GLB1: variants seen among roughly 807,000 people sequenced by gnomAD.
GLB1 encodes galactosidase beta 1, also known as beta-galactosidase.
GLB1 carries 56 observed loss-of-function variants against 74.0 expected under a neutral mutation model. The observed-to-expected ratio is 0.76, with a 90% CI of 0.61 to 0.94. The LOEUF is 0.94. GLB1 is among the 40% of genes least tolerant of loss of function. The probability of loss-of-function intolerance (pLI) is 0.00; values close to 1 mark genes in which losing one functional copy is unlikely to be tolerated. For synonymous variants in GLB1, 323 were observed against 323.6 expected, an observed-to-expected ratio of 1.00 and a Z score of 0.02; for missense variants, 787 against 845.5, an observed-to-expected ratio of 0.93 and a Z score of 0.86.
intron 10 of GLB1, among the ~76,000 whole-genome samples, chr3:33,025,953 T>C (rs1214909624): frequency 1.3e-5 from 2 of 151,864 alleles, no homozygotes; most frequent in Non-Finnish European, 2.9e-5. Flanking sequence ...AGGAAGGAGG[T>C]GGTCAGTCCC....
the GLB1 span, among the ~76,000 whole-genome samples, chr3:32,984,912 A>C: frequency 6.6e-6 from 1 of 151,362 alleles, no homozygotes; most frequent in African/African-American, 2.4e-5. Context: ...ACTGCACTCC[A>C]GCCTAGGTGA....
the GLB1 span, among the ~76,000 whole-genome samples, chr3:32,975,671 A>G: frequency 6.6e-6 from 1 of 152,248 alleles, no homozygotes; most frequent in Non-Finnish European, 1.5e-5. Flanking sequence ...CTCATTTAAA[A>G]TGAGTGTGCA....
At chr3:32,973,739 C>T in the GLB1 span, among the ~76,000 whole-genome samples, 2 of 152,120 alleles carry the variant, frequency 1.3e-5, no homozygotes, top group Non-Finnish European at 2.9e-5. Context: ...TTGTACTATA[C>T]ACTTAAAAGT....
chr3:33,027,040 G>A (rs983788158), intron 10 of GLB1, among the ~76,000 whole-genome samples: 13 of 152,236 alleles, frequency 8.5e-5, no homozygotes, highest in Admixed American at 2.0e-4. Flanking sequence ...TGCTCACCAC[G>A]TTGTGGGGGA....
chr3:32,991,333 T>C, the GLB1 span, among the ~76,000 whole-genome samples: 1 of 152,218 alleles, frequency 6.6e-6, no homozygotes, highest in Non-Finnish European at 1.5e-5. Context: ...AGTGGGGCCT[T>C]GGACCTCAAT....
At chr3:32,999,291 G>A (rs1421889990) in intron 15 of GLB1, among the ~76,000 whole-genome samples, 5 of 152,076 alleles carry the variant, frequency 3.3e-5, no homozygotes, top group Non-Finnish European at 4.4e-5. Flanking sequence ...AAAATCTGCC[G>A]GTGCCTTGTT....
At position 33,072,560 on chromosome 3, in the gene GLB1, G is replaced by A. The variant is rs2125553699; in HGVS notation, c.229C>T (p.Leu77=). The A allele has an allele frequency of 1.2e-6, 2 of 1,613,532 alleles. No homozygotes were observed. Among genetic ancestry groups the A allele is most frequent in the Non-Finnish European group, 1.7e-6 (2 of 1,180,022 alleles). ...DRLLKMKMAG[L]NAIQTYVPWN... is the part of the protein sequence containing the mutation. ...CCTACTTACGTCTGGATGGCGTTCA[G>A]CCCAGCCATCTTCATCTTCAGCAGC... The change falls in exon 2 of 16, where the codon CTG becomes TTG. Residue 77 remains leucine, a synonymous_variant. Transcript: ENST00000307363.
chr3:33,078,802 T>A (rs1187193019), intron 1 of GLB1, among the ~76,000 whole-genome samples: 1 of 152,152 alleles, frequency 6.6e-6, no homozygotes, highest in Non-Finnish European at 1.5e-5. Context: ...CTGGTTTGGA[T>A]CCTAATTCTT....
At chr3:33,055,346 G>A (rs765675239) in intron 6 of GLB1, among the ~76,000 whole-genome samples, 2 of 152,088 alleles carry the variant, frequency 1.3e-5, no homozygotes, top group Non-Finnish European at 2.9e-5. Flanking sequence ...CTTTTTCATC[G>A]CTGTGATGAG....
chr3:32,967,653 C>T, the GLB1 span, among the ~76,000 whole-genome samples: 21 of 151,904 alleles, frequency 1.4e-4, no homozygotes, highest in Middle Eastern at 0.017. Flanking sequence ...TGAACCCCAT[C>T]GGTCTCTCTG....
chr3:32,988,845 G>GTT, the GLB1 span, among the ~76,000 whole-genome samples: 44 of 149,284 alleles, frequency 2.9e-4, no homozygotes, highest in African/African-American at 4.9e-4. Context: ...GTTTTTTCCT[G>GTT]TTTTTTTTTT....
the GLB1 span, among the ~76,000 whole-genome samples, chr3:32,990,883 A>G: frequency 6.6e-6 from 1 of 152,118 alleles, no homozygotes; most frequent in African/African-American, 2.4e-5. Flanking sequence ...CTGAGGCAGG[A>G]GAATGGCGTG....
At position 33,093,963 on chromosome 3, in the gene GLB1, T is replaced by C; in HGVS notation, c.75+3048A>G. 2 of 1,614,160 alleles carry C rather than the reference T, an allele frequency of 1.2e-6. No individual in the cohort carries two copies. The highest frequency in any genetic ancestry group is 1.7e-6 in the Non-Finnish European group (2 of 1,180,014). On this transcript the variant is annotated intron_variant, in intron 1 of 15. Transcript: ENST00000307363. This position sits in a 1 kb window ranked among gnomAD's most constrained non-coding sequence, Gnocchi z 6.0. The stretch of plus-strand genomic sequence containing the variant: ...CTTCCAAAGCTGAAAACAGGTTGAC[T>C]CTGCAGCTGGGGAGTGGCAGAGGTT...
intron 9 of GLB1, among the ~76,000 whole-genome samples, chr3:33,050,008 C>T (rs1179672209): frequency 6.6e-6 from 1 of 152,166 alleles, no homozygotes; most frequent in Admixed American, 6.5e-5. Flanking sequence ...TAGGCCCAAA[C>T]TAAGCCTTCA....
At chr3:33,037,559 A>C (rs988298730) in intron 10 of GLB1, among the ~76,000 whole-genome samples, 2 of 152,206 alleles carry the variant, frequency 1.3e-5, no homozygotes, top group African/African-American at 4.8e-5. Flanking sequence ...CACCCAAACT[A>C]AACATGGAAC....
At chr3:32,988,751 A>G in the GLB1 span, among the ~76,000 whole-genome samples, 1 of 152,224 alleles carries the variant, frequency 6.6e-6, no homozygotes, top group African/African-American at 2.4e-5. Context: ...TATTTCAACA[A>G]TATCTTCCTG....
intron 1 of GLB1, among the ~76,000 whole-genome samples, chr3:33,075,247 A>G (rs2125558752): frequency 6.6e-6 from 1 of 152,354 alleles, no homozygotes; most frequent in South Asian, 2.1e-4. Context: ...GGGAACATTC[A>G]TTAGACAGGT....
intron 9 of GLB1, among the ~76,000 whole-genome samples, chr3:33,046,886 G>C (rs1287283992): frequency 2.6e-5 from 4 of 152,180 alleles, no homozygotes; most frequent in African/African-American, 7.2e-5. Flanking sequence ...CCAGCAGCTA[G>C]GGCTGTTGTC....
chr3:33,064,655 T>C (rs1049031653), intron 5 of GLB1, among the ~76,000 whole-genome samples: 17 of 150,024 alleles, frequency 1.1e-4, no homozygotes, highest in Admixed American at 4.7e-4. Flanking sequence ...CATGCGCCTG[T>C]AATCCCAGCT....
Sources: gnomAD v4.1 joint callset for allele counts (sites outside exome capture counted in the v4.1 genomes callset) on GRCh38, gnomAD v4.1.1 for gene constraint, Gnocchi (gnomAD v3.1) non-coding constraint, MANE v1.5 for transcripts, NCBI Gene and HGNC (gene_info 2026-07-23, HGNC 2026-07-21) for gene names.